Variants in ABTB2 observed in about 807,000 individuals in gnomAD.
The protein encoded by ABTB2 is ankyrin repeat and BTB/POZ domain-containing protein 2.
Under a neutral mutation model 104.1 loss-of-function variants are expected in ABTB2, and 56 were observed. That is an observed-to-expected ratio of 0.54 (90% CI 0.43 to 0.67). The LOEUF is 0.67. Among genes scored for constraint, ABTB2 ranks in the 30% least tolerant of loss-of-function variants. ABTB2 has a pLI of 0.00. For synonymous variants in ABTB2, 606 were observed against 608.2 expected (o/e 1.00, Z 0.05); for missense variants, 1,279 against 1,407.7 (o/e 0.91, Z 1.46).
At chr11:34,316,689 TA>T (rs897585651) in intron 1 of ABTB2, among the ~76,000 whole-genome samples, 6 of 151,620 alleles carry the variant, frequency 4.0e-5, no homozygotes, top group Non-Finnish European at 8.8e-5. Flanking sequence ...AATATGTTTT[TA>T]AAAAAAAATA....
chr11:34,357,241 G>T lies in ABTB2; in HGVS notation c.343C>A (p.Arg115=). 1.3e-6 allele frequency: 2 copies of T among 1,499,108 alleles called. No homozygotes were observed. The highest frequency in any genetic ancestry group is 1.8e-4 in the Middle Eastern group (1 of 5,624). 92.9% of individuals were successfully genotyped at this position (1,499,108 alleles called of 1,614,324 possible). A position where few individuals can be genotyped will look rare whatever the true frequency, so the allele number is the denominator to read the frequency against. The change falls in exon 1 of 17, where the codon CGG becomes AGG. Residue 115 remains arginine, a synonymous_variant. Coordinates refer to ENST00000435224, the MANE Select transcript of ABTB2 (RefSeq NM_145804.3). The part of the protein sequence containing the change: ...ARVLRKGAGG[R]RLPQFSAEAV... ...TCGGCGGAGAACTGGGGCAGCCGCC[G>T]GCCGCCAGCGCCTTTGCGGAGCACC...
chr11:34,326,072 CT>C (rs1413320100), intron 1 of ABTB2, among the ~76,000 whole-genome samples: 28 of 151,730 alleles, frequency 1.8e-4, no homozygotes, highest in Non-Finnish European at 3.8e-4. Flanking sequence ...GTAAAACCAA[CT>C]CTTAATTCCT....
At position 34,170,919 on chromosome 11, in the gene ABTB2, G is replaced by A; in HGVS notation, c.1550C>T (p.Thr517Ile). 6.2e-7 allele frequency: 1 copy of A among 1,614,092 alleles called. No individual in the cohort carries two copies. The highest frequency in any genetic ancestry group is 8.5e-7 in the Non-Finnish European group (1 of 1,179,998). ...IEALGPDGVN[T>I]MDDQGMTPLM... ...CTCAGGACGTACCTGGTCATCCATG[G>A]TGTTAACCCCATCCGGACCCAAGGC... The change falls in exon 5 of 17, where the codon ACC becomes ATC. Residue 517 changes from threonine to isoleucine, a missense_variant. Thr to Ile is a moderately conservative substitution (Grantham distance 89). Transcript: ENST00000435224.
intron 3 of ABTB2, chr11:34,189,334 G>T: frequency 6.6e-6 from 1 of 152,208 alleles, no homozygotes. Context: ...GGGCACTGTG[G>T]CTCACGCCTG....
At chr11:34,239,934 C>A (rs945858906) in intron 1 of ABTB2, among the ~76,000 whole-genome samples, 1 of 152,182 alleles carries the variant, frequency 6.6e-6, no homozygotes, top group Non-Finnish European at 1.5e-5. Flanking sequence ...AGAGGCATTT[C>A]CCCCCTAAAT....
At chr11:34,299,231 T>C (rs1219019859) in intron 1 of ABTB2, among the ~76,000 whole-genome samples, 2 of 152,156 alleles carry the variant, frequency 1.3e-5, no homozygotes, top group African/African-American at 2.4e-5. Context: ...GGGGCAGGAA[T>C]GGCATATCAA....
At chr11:34,173,519 CA>C (rs1251909048) in intron 3 of ABTB2, among the ~76,000 whole-genome samples, 1 of 152,148 alleles carries the variant, frequency 6.6e-6, no homozygotes, top group Admixed American at 6.5e-5. Flanking sequence ...CACATGCTCA[CA>C]AGTGGCAACC....
chr11:34,185,262 G>A (rs1853082696), intron 3 of ABTB2, among the ~76,000 whole-genome samples: 1 of 152,232 alleles, frequency 6.6e-6, no homozygotes, highest in Non-Finnish European at 1.5e-5. Flanking sequence ...TGACTGGCAA[G>A]CAGTGTTTTG....
chr11:34,174,453 C>CT (rs1273753016), intron 3 of ABTB2, among the ~76,000 whole-genome samples: 1 of 152,184 alleles, frequency 6.6e-6, no homozygotes. Flanking sequence ...CGGCGGCAGG[C>CT]TTAGAGCTGC....
chr11:34,159,919 T>C lies in ABTB2; in HGVS notation c.2593A>G (p.Thr865Ala), dbSNP rs930192475. ...LFYAHKVLLVTASNRFKTLMT... is the reference protein window; with the variant it reads ...LFYAHKVLLVAASNRFKTLMT... ...GAGGCTGCCTACCTGTTAGAAGCTG[T>C]CACCAGCAGGACTTTATGTGCATAA... is the stretch of plus-strand genomic sequence containing the variant. The change falls in exon 13 of 17, where the codon ACA becomes GCA. Residue 865 changes from threonine to alanine, a missense_variant. Coordinates refer to ENST00000435224, the MANE Select transcript of ABTB2 (RefSeq NM_145804.3). The C allele has an allele frequency of 6.2e-7, 1 of 1,613,690 alleles. No individual in the cohort carries two copies. The highest frequency in any genetic ancestry group is 2.2e-5 in the East Asian group (1 of 44,890).
In ABTB2 at chr11:34,154,676, C is replaced by T. The variant is rs764519519; in HGVS notation, c.2766+25G>A. The T allele has an allele frequency of 1.1e-5, 17 of 1,613,142 alleles. No individual in the cohort carries two copies. The Admixed American group carries it at 2.7e-4, about 25-fold the overall frequency. The stretch of plus-strand genomic sequence containing the variant: ...AGCCGCTGGGCACCCTAGCCCAGGC[C>T]CCCTCCCCCTCTCCCGAGTCTCACC... On this transcript the variant is annotated intron_variant, in intron 15 of 16. Transcript: ENST00000435224. This position sits in a 1 kb window ranked among gnomAD's most constrained non-coding sequence, Gnocchi z 4.9.
chr11:34,333,736 A>T (rs1352770724), intron 1 of ABTB2, among the ~76,000 whole-genome samples: 1 of 152,234 alleles, frequency 6.6e-6, no homozygotes, highest in Non-Finnish European at 1.5e-5. Flanking sequence ...AGCCTGGATG[A>T]CAAGAGTGAG....
chr11:34,236,693 T>G (rs984416351), intron 1 of ABTB2, among the ~76,000 whole-genome samples: 3 of 152,180 alleles, frequency 2.0e-5, no homozygotes, highest in Non-Finnish European at 2.9e-5. Context: ...ACATCAGGCC[T>G]GTTAGCCAGG....
In ABTB2 at chr11:34,227,273, C is replaced by CA. The variant is rs1348173491; in HGVS notation, c.884-22584dup. 5.1e-3 allele frequency among the ~76,000 whole-genome samples: 405 copies of CA among 80,190 alleles called. 2 individuals are homozygous for CA. The highest frequency in any genetic ancestry group is 0.013 in the African/African-American group (258 of 20,634). 52.6% of individuals were successfully genotyped at this position (80,190 alleles called of 152,430 possible). On this transcript the variant is annotated intron_variant, in intron 1 of 16. Transcript: ENST00000435224. ...TGGGTGACAGAGTGAGACTCCATCT[C>CA]AAAAAAAAAAAAGAAAAAAAAAAAA...
At chr11:34,277,405 G>A (rs1489028504) in intron 1 of ABTB2, among the ~76,000 whole-genome samples, 1 of 151,848 alleles carries the variant, frequency 6.6e-6, no homozygotes, top group Non-Finnish European at 1.5e-5. Context: ...AATTCTTCAT[G>A]ATAAAATCTA....
At position 34,258,605 on chromosome 11, in the gene ABTB2, CTTTTTTTTTT is replaced by C. The variant is rs35853565; in HGVS notation, c.884-53925_884-53916del. On this transcript the variant is annotated intron_variant, in intron 1 of 16. Coordinates refer to ENST00000435224, the MANE Select transcript of ABTB2 (RefSeq NM_145804.3). ...AGTGAGCACTACAGAAGTGCCTGCTCTTTTTTTTTTTTTTTTTTTTTTTGAGACGGAGTCT... is the reference window on the plus strand; with the variant it reads ...AGTGAGCACTACAGAAGTGCCTGCTCTTTTTTTTTTTTTGAGACGGAGTCT... Among the ~76,000 whole-genome samples the C allele has an allele frequency of 2.5e-4, 24 of 95,166 alleles. 1 individual carries two copies. The highest frequency in any genetic ancestry group is 1.0e-3 in the African/African-American group (23 of 23,060). 62.4% of individuals were successfully genotyped at this position (95,166 alleles called of 152,430 possible). A position where few individuals can be genotyped will look rare whatever the true frequency, so the allele number is the denominator to read the frequency against.
chr11:34,284,027 C>T (rs1366930280), intron 1 of ABTB2, among the ~76,000 whole-genome samples: 2 of 152,184 alleles, frequency 1.3e-5, no homozygotes, highest in African/African-American at 4.8e-5. Flanking sequence ...CACATGAATC[C>T]CTGGGATCTT....
chr11:34,162,438 G>T, intron 10 of ABTB2, 138 bp downstream of exon 10: 1 of 941,846 alleles, frequency 1.1e-6, no homozygotes, highest in Non-Finnish European at 1.6e-6. Context: ...CCTCCACCCA[G>T]TCTGTGCTCA....
intron 3 of ABTB2, among the ~76,000 whole-genome samples, chr11:34,174,526 C>T (rs1852936358): frequency 6.6e-6 from 1 of 152,236 alleles, no homozygotes; most frequent in Non-Finnish European, 1.5e-5. Context: ...ATGTGCACAG[C>T]CTGTGCTGGG....
Sources: gnomAD v4.1 joint callset for allele counts (sites outside exome capture counted in the v4.1 genomes callset) on GRCh38, gnomAD v4.1.1 for gene constraint, Gnocchi (gnomAD v3.1) non-coding constraint, MANE v1.5 for transcripts, NCBI Gene and HGNC (gene_info 2026-07-23, HGNC 2026-07-21) for gene names.